PAK1: variants seen among roughly 807,000 people sequenced by gnomAD.
PAK1 encodes the protein serine/threonine-protein kinase PAK 1.
PAK1 carries 29 observed loss-of-function variants against 67.4 expected under a neutral mutation model. That is an observed-to-expected ratio of 0.43 (90% CI 0.32 to 0.59). The LOEUF is 0.59. PAK1 is among the 20% of genes least tolerant of loss of function. The pLI, the probability that PAK1 is intolerant of heterozygous loss-of-function variation, is 0.07. For missense variants in PAK1, 337 were observed against 670.7 expected, an observed-to-expected ratio of 0.50 and a Z score of 5.50; for synonymous variants, 223 against 237.4, an observed-to-expected ratio of 0.94 and a Z score of 0.56.
chr11:77,400,898 A>C (rs72941645), intron 1 of PAK1, among the ~76,000 whole-genome samples: 1,543 of 152,328 alleles, frequency 0.01, 9 homozygotes, highest in Non-Finnish European at 0.015. Flanking sequence ...GAAGAAGAAG[A>C]AGCAAAGCTT....
chr11:77,369,043 A>C (rs1948024680), intron 5 of PAK1, among the ~76,000 whole-genome samples: 1 of 152,200 alleles, frequency 6.6e-6, no homozygotes, highest in Non-Finnish European at 1.5e-5. Flanking sequence ...TAGGTACAAA[A>C]TTCTTGGTTC....
intron 5 of PAK1, among the ~76,000 whole-genome samples, chr11:77,373,147 C>T (rs975877682): frequency 1.3e-5 from 2 of 152,114 alleles, no homozygotes; most frequent in Admixed American, 6.6e-5. Context: ...TTATTCACAC[C>T]GGACTTGGCA....
intron 1 of PAK1, among the ~76,000 whole-genome samples, chr11:77,435,118 CA>C (rs11452381): frequency 7.8e-4 from 100 of 128,662 alleles, no homozygotes; most frequent in Middle Eastern, 7.9e-3. Context: ...TGTGAATATA[CA>C]AAAAAAAAAA....
chr11:77,480,476 GT>G, the PAK1 span, among the ~76,000 whole-genome samples: 125 of 148,566 alleles, frequency 8.4e-4, no homozygotes, highest in Non-Finnish European at 1.3e-3. Context: ...CATTTTGGAA[GT>G]CCTTTATTGT....
intron 5 of PAK1, among the ~76,000 whole-genome samples, chr11:77,369,444 C>CT (rs147630042): frequency 0.26 from 22,878 of 86,874 alleles, 4,460 homozygotes; most frequent in East Asian, 0.38. Flanking sequence ...TTATACATTT[C>CT]TTTTTTTTTT....
At chr11:77,423,573 C>T (rs572324965) in intron 1 of PAK1, among the ~76,000 whole-genome samples, 109 of 152,102 alleles carry the variant, frequency 7.2e-4, no homozygotes, top group African/African-American at 2.6e-3. Flanking sequence ...AAGCCAAAAC[C>T]AAAATTTAAG....
chr11:77,387,368 C>G (rs1476580667), intron 2 of PAK1, among the ~76,000 whole-genome samples: 1 of 152,188 alleles, frequency 6.6e-6, no homozygotes, highest in Non-Finnish European at 1.5e-5. Flanking sequence ...CCACTTGCAC[C>G]CCGCCCTGTA....
chr11:77,363,858 G>C (rs1947128843), intron 5 of PAK1, among the ~76,000 whole-genome samples: 1 of 152,160 alleles, frequency 6.6e-6, no homozygotes, highest in South Asian at 2.1e-4. Context: ...CTGAACTTTG[G>C]GTTAAAAATA....
chr11:77,514,064 G>A, the PAK1 span, among the ~76,000 whole-genome samples: 4 of 152,314 alleles, frequency 2.6e-5, no homozygotes, highest in Admixed American at 2.0e-4. Context: ...GAATGGTAGA[G>A]CCATGATTTG....
chr11:77,468,488 T>C (rs921815560), intron 1 of PAK1, among the ~76,000 whole-genome samples: 1 of 152,184 alleles, frequency 6.6e-6, no homozygotes, highest in African/African-American at 2.4e-5. Flanking sequence ...TAGAAAAATG[T>C]AGCACATTAA....
At chr11:77,450,714 C>T (rs1161535305) in intron 1 of PAK1, among the ~76,000 whole-genome samples, 2 of 152,156 alleles carry the variant, frequency 1.3e-5, no homozygotes, top group African/African-American at 4.8e-5. Flanking sequence ...GTTTTTGAGA[C>T]ACTTAGAATA....
At chr11:77,452,265 ACTTT>A (rs1956892999) in intron 1 of PAK1, among the ~76,000 whole-genome samples, 1 of 152,190 alleles carries the variant, frequency 6.6e-6, no homozygotes, top group South Asian at 2.1e-4. Flanking sequence ...AAGTGATATT[ACTTT>A]CTGAGAAACA....
At chr11:77,383,819 C>CA (rs1415273754) in intron 2 of PAK1, among the ~76,000 whole-genome samples, 2 of 152,156 alleles carry the variant, frequency 1.3e-5, no homozygotes, top group Non-Finnish European at 2.9e-5. Context: ...CAAGCTCTGC[C>CA]AGTCACTGTC....
At chr11:77,500,455 A>G in the PAK1 span, among the ~76,000 whole-genome samples, 1 of 152,118 alleles carries the variant, frequency 6.6e-6, no homozygotes, top group Non-Finnish European at 1.5e-5. Context: ...CAACAGAGTG[A>G]GACTCCACCT....
intron 10 of PAK1, among the ~76,000 whole-genome samples, chr11:77,343,206 G>A (rs1016369023): frequency 6.6e-6 from 1 of 150,578 alleles, no homozygotes. Flanking sequence ...TAATAAAAAT[G>A]GGACTTAATG....
intron 1 of PAK1, among the ~76,000 whole-genome samples, chr11:77,394,501 C>T (rs1363308637): frequency 6.6e-6 from 1 of 151,922 alleles, no homozygotes; most frequent in Non-Finnish European, 1.5e-5. Context: ...TTCCTCAATC[C>T]TTTATCCAGG....
chr11:77,322,262 T>G lies in PAK1; in HGVS notation c.*1012A>C. 2 of 196,688 alleles carry G rather than the reference T, an allele frequency of 1.0e-5. No individual in the cohort carries two copies. The highest frequency in any genetic ancestry group is 1.6e-4 in the East Asian group (2 of 12,588). The allele number at this position is 196,688 out of a possible 1,614,324, so 12.2% of individuals were successfully genotyped here. A position where few individuals can be genotyped will look rare whatever the true frequency, so the allele number is the denominator to read the frequency against. ...CATGCATCTTAAAAACGGGGTCCCC[T>G]CACAGCTGGCAGGGTATCATGTCAG... On this transcript the variant is annotated 3_prime_UTR_variant, in exon 15 of 15. Coordinates refer to ENST00000356341, the MANE Select transcript of PAK1 (RefSeq NM_002576.5).
At chr11:77,366,037 A>G (rs1308804064) in intron 5 of PAK1, among the ~76,000 whole-genome samples, 3 of 152,236 alleles carry the variant, frequency 2.0e-5, no homozygotes, top group African/African-American at 7.2e-5. Context: ...ATGGAGGTCA[A>G]AAGGCAGTGG....
chr11:77,462,521 A>AT (rs1461420087), intron 1 of PAK1, among the ~76,000 whole-genome samples: 1 of 152,074 alleles, frequency 6.6e-6, no homozygotes, highest in Non-Finnish European at 1.5e-5. Flanking sequence ...AGAAAATCAA[A>AT]TAACAGTTCT....
Sources: gnomAD v4.1 joint callset for allele counts (sites outside exome capture counted in the v4.1 genomes callset) on GRCh38, gnomAD v4.1.1 for gene constraint, MANE v1.5 for transcripts, NCBI Gene and HGNC (gene_info 2026-07-23, HGNC 2026-07-21) for gene names.